The following ADCY9 variants were observed in gnomAD, a reference collection of about 807,000 sequenced individuals.
ADCY9 encodes the protein adenylate cyclase type 9.
ADCY9 carries 50 observed loss-of-function variants against 101.5 expected under a neutral mutation model. That is an observed-to-expected ratio of 0.49 (90% CI 0.39 to 0.62). The LOEUF (loss-of-function observed/expected upper bound fraction) is 0.62, where lower values mean the gene tolerates loss of function less well. Among genes scored for constraint, ADCY9 ranks in the 20% least tolerant of loss-of-function variants. The pLI is 0.00. For missense variants in ADCY9, 1,662 were observed against 1,800.4 expected (o/e 0.92, Z 1.39); for synonymous variants, 905 against 769.3 (o/e 1.18, Z -2.92).
chr16:3,976,863 G>A (rs900212409), intron 9 of ADCY9, among the ~76,000 whole-genome samples: 2 of 152,184 alleles, frequency 1.3e-5, no homozygotes, highest in African/African-American at 4.8e-5. Context: ...TCACCATGTT[G>A]GCCAGGCTGG....
chr16:3,986,750 G>A (rs909830658), intron 6 of ADCY9, among the ~76,000 whole-genome samples: 10 of 152,094 alleles, frequency 6.6e-5, no homozygotes, highest in African/African-American at 1.9e-4. Flanking sequence ...GAGCCACCGC[G>A]CCCGGCCATG....
intron 2 of ADCY9, among the ~76,000 whole-genome samples, chr16:4,084,076 G>A (rs2056922087): frequency 6.6e-6 from 1 of 151,990 alleles, no homozygotes; most frequent in African/African-American, 2.4e-5. Flanking sequence ...GGTGACAGGT[G>A]AATTACATCT....
intron 2 of ADCY9, among the ~76,000 whole-genome samples, chr16:4,024,186 C>T (rs2056497931): frequency 6.6e-6 from 1 of 151,722 alleles, no homozygotes; most frequent in Admixed American, 6.6e-5. Flanking sequence ...CCATGCCTGG[C>T]TAATTTTTGT....
At chr16:4,040,124 G>A (rs562845336) in intron 2 of ADCY9, among the ~76,000 whole-genome samples, 8 of 152,276 alleles carry the variant, frequency 5.3e-5, no homozygotes, top group Admixed American at 2.0e-4. Context: ...TCCAATGGCG[G>A]CATTCATCTA....
chr16:3,973,231 C>CA (rs1468463111), intron 10 of ADCY9, among the ~76,000 whole-genome samples: 1 of 151,808 alleles, frequency 6.6e-6, no homozygotes, highest in East Asian at 1.9e-4. Flanking sequence ...TTTTTTGAGA[C>CA]AGAGTCTCAC....
intron 2 of ADCY9, among the ~76,000 whole-genome samples, chr16:4,042,515 A>T (rs1029015631): frequency 6.6e-6 from 1 of 152,186 alleles, no homozygotes; most frequent in Non-Finnish European, 1.5e-5. Flanking sequence ...ACCTTAATCT[A>T]GCTAATTCTG....
At position 4,069,272 on chromosome 16, in the gene ADCY9, GTTATTA is replaced by G. The variant is rs57466737; in HGVS notation, c.1693+44472_1693+44477del. ...TTATTTCAATATGCTGTTGTTGTAA[GTTATTA>G]TTATTATTATTATTATTATTATTAG... On this transcript the variant is annotated intron_variant, in intron 2 of 10. Coordinates refer to ENST00000294016, the MANE Select transcript of ADCY9 (RefSeq NM_001116.4). Among the ~76,000 whole-genome samples, 62 of 147,298 alleles carry G rather than the reference GTTATTA, an allele frequency of 4.2e-4. 1 individual carries two copies. The highest frequency in any genetic ancestry group is 9.7e-4 in the African/African-American group (39 of 40,214).
chr16:4,010,126 C>T (rs1461845722), intron 2 of ADCY9, among the ~76,000 whole-genome samples: 1 of 152,198 alleles, frequency 6.6e-6, no homozygotes, highest in Non-Finnish European at 1.5e-5. Flanking sequence ...GCTGTTGGCT[C>T]AGGGTGCCCC....
chr16:4,086,689 T>C (rs1247186017), intron 2 of ADCY9, among the ~76,000 whole-genome samples: 1 of 152,056 alleles, frequency 6.6e-6, no homozygotes, highest in East Asian at 1.9e-4. Context: ...AGACAGGGTC[T>C]TACTCTGTCA....
chr16:4,018,415 G>T (rs560462021), intron 2 of ADCY9, among the ~76,000 whole-genome samples: 2 of 152,222 alleles, frequency 1.3e-5, no homozygotes, highest in African/African-American at 4.8e-5. Flanking sequence ...GTTTCACCAT[G>T]TTGGCCAGGC....
chr16:4,097,487 T>TACACACACACAC lies in ADCY9; in HGVS notation c.1693+16251_1693+16262dup, dbSNP rs71139606. Reference sequence around the variant, plus strand: ...ATATATATATATATATATATATATATACACACACACACACTATATATATGT... The same window carrying TACACACACACAC: ...ATATATATATATATATATATATATATACACACACACACACACACACACACACTATATATATGT... On this transcript the variant is annotated intron_variant, in intron 2 of 10. Coordinates refer to ENST00000294016, the MANE Select transcript of ADCY9 (RefSeq NM_001116.4). Among the ~76,000 whole-genome samples the TACACACACACAC allele has an allele frequency of 9.6e-3, 691 of 72,236 alleles. 16 individuals carry two copies. Among genetic ancestry groups the TACACACACACAC allele is most frequent in the African/African-American group, 0.014 (271 of 19,120 alleles). The allele number at this position is 72,236 out of a possible 152,430, so 47.4% of individuals were successfully genotyped here.
chr16:4,010,505 A>C (rs1211665012), intron 2 of ADCY9, among the ~76,000 whole-genome samples: 1 of 152,132 alleles, frequency 6.6e-6, no homozygotes, highest in Non-Finnish European at 1.5e-5. Flanking sequence ...TTACTGAGTC[A>C]CTCTTAATTC....
Position 4,056,361 on chromosome 16 carries a change from C to T in ADCY9, c.1694-48803G>A, listed in dbSNP as rs867538850. Among the ~76,000 whole-genome samples, 18 of 152,296 alleles carry T rather than the reference C, an allele frequency of 1.2e-4. No individual in the cohort carries two copies. The South Asian group carries it at 1.7e-3, about 14-fold the overall frequency. ...CCTCCGCTCCCGGGCTCCAGGGATT[C>T]TCCTGCCTCAGCCTCCCAAGTAGCT... is the stretch of plus-strand genomic sequence containing the variant. On this transcript the variant is annotated intron_variant, in intron 2 of 10. Transcript: ENST00000294016.
chr16:3,977,866 G>A (rs896267232), intron 8 of ADCY9, among the ~76,000 whole-genome samples: 1 of 152,050 alleles, frequency 6.6e-6, no homozygotes, highest in African/African-American at 2.4e-5. Flanking sequence ...ACAGGCTCCC[G>A]GCACCACACC....
intron 8 of ADCY9, among the ~76,000 whole-genome samples, chr16:3,978,203 G>C (rs1049596814): frequency 6.6e-6 from 1 of 152,190 alleles, no homozygotes; most frequent in Non-Finnish European, 1.5e-5. Flanking sequence ...GAAATGGCAC[G>C]TGTCTTCGTG....
At chr16:4,015,563 G>A (rs990072778) in intron 2 of ADCY9, 1 of 152,118 alleles carries the variant, frequency 6.6e-6, no homozygotes, top group South Asian at 2.1e-4. Flanking sequence ...AGTACTTACC[G>A]AAGGTTAGGA....
chr16:4,007,438 C>T lies in ADCY9; in HGVS notation c.1814G>A (p.Gly605Glu). 1.2e-6 allele frequency: 2 copies of T among 1,614,056 alleles called. No individual in the cohort carries two copies. The highest frequency in any genetic ancestry group is 2.2e-5 in the East Asian group (1 of 44,882). Residue 605 changes from glycine to glutamate, a missense_variant, in exon 3 of 11, where the codon GGA becomes GAA. Gly to Glu is a moderately conservative substitution (Grantham distance 98). Around this residue, in one of 5 missense-constraint regions of ADCY9, gnomAD observed 624 missense variants for 639.1 expected, o/e 0.98. Coordinates refer to ENST00000294016, the MANE Select transcript of ADCY9 (RefSeq NM_001116.4). The stretch of plus-strand genomic sequence containing the variant: ...ATTCCCTGATGACGCTGTCCCCTGT[C>T]CCCTAGGGCCTGAGGACACCTGTGA... ...DGSQVSSGPRGQGTASSGNVS... is the reference protein window; with the variant it reads ...DGSQVSSGPREQGTASSGNVS...
intron 2 of ADCY9, among the ~76,000 whole-genome samples, chr16:4,102,856 G>A (rs1237459081): frequency 6.6e-6 from 1 of 151,898 alleles, no homozygotes; most frequent in African/African-American, 2.4e-5. Context: ...TGAGTAGCTG[G>A]GATTACAGGT....
At chr16:4,094,940 T>C (rs943526039) in intron 2 of ADCY9, among the ~76,000 whole-genome samples, 1 of 151,718 alleles carries the variant, frequency 6.6e-6, no homozygotes, top group Non-Finnish European at 1.5e-5. Flanking sequence ...AAAAATAAAA[T>C]CATTCAAAAC....
Sources: gnomAD v4.1 joint callset for allele counts (sites outside exome capture counted in the v4.1 genomes callset) on GRCh38, gnomAD v4.1.1 for gene constraint, gnomAD v4.1.1 regional missense constraint, MANE v1.5 for transcripts, NCBI Gene and HGNC (gene_info 2026-07-23, HGNC 2026-07-21) for gene names.